VWA5A: variants seen among roughly 807,000 people sequenced by gnomAD.
The protein encoded by VWA5A is von Willebrand factor A domain containing 5A, also known as von Willebrand factor A domain-containing protein 5A.
Under a neutral mutation model 84.6 loss-of-function variants are expected in VWA5A, and 77 were observed. The observed-to-expected ratio is 0.91, with a 90% CI of 0.76 to 1.10. VWA5A has a LOEUF of 1.10. Ranked by LOEUF, VWA5A falls within the 50% of genes least tolerant of loss-of-function variation. The probability of loss-of-function intolerance (pLI) is 0.00; values close to 1 mark genes in which losing one functional copy is unlikely to be tolerated. For missense variants in VWA5A, 973 were observed against 963.0 expected, an observed-to-expected ratio of 1.01 and a Z score of -0.14; for synonymous variants, 334 against 350.1, an observed-to-expected ratio of 0.95 and a Z score of 0.51.
At position 124,119,540 on chromosome 11, in the gene VWA5A, A is replaced by C. The variant is rs115600162; in HGVS notation, c.760+451A>C. 1.4e-3 allele frequency among the ~76,000 whole-genome samples: 210 copies of C among 152,374 alleles called. 1 individual carries two copies. The highest frequency in any genetic ancestry group is 4.7e-3 in the African/African-American group (196 of 41,594). The stretch of plus-strand genomic sequence containing the variant: ...AAATTTGGCCATATGTGTTAAATCA[A>C]TGTTAACTTTGGTAATTTCACTTTT... On this transcript the variant is annotated intron_variant, in intron 7 of 18. Transcript: ENST00000456829.
intron 2 of VWA5A, 200 bp from the exon 3 acceptor site, chr11:124,117,297 C>G (rs983377550): frequency 1.6e-6 from 1 of 610,292 alleles, no homozygotes; most frequent in Admixed American, 2.8e-5. Context: ...GAATCTTACA[C>G]CTTCCCCACC....
Position 124,123,052 on chromosome 11 carries a change from C to T in VWA5A, c.853C>T (p.Leu285Phe). 1 of 1,614,144 alleles carries T rather than the reference C, an allele frequency of 6.2e-7. No homozygotes were observed. Among genetic ancestry groups the T allele is most frequent in the Non-Finnish European group, 8.5e-7 (1 of 1,180,046 alleles). The change falls in exon 8 of 19, where the codon CTC becomes TTC. Residue 285 changes from leucine to phenylalanine, a missense_variant. Coordinates refer to ENST00000456829, the MANE Select transcript of VWA5A (RefSeq NM_001130142.2). ...AAATACCTGTGGAGAGTTTATCTTT[C>T]TCATGGACCGCTCGGGAAGTATGCA... ...PSNTCGEFIF[L>F]MDRSGSMQSP... is the part of the protein sequence containing the mutation.
chr11:124,116,106 C>T (rs563349362), intron 1 of VWA5A: 1 of 152,466 alleles, frequency 6.6e-6, no homozygotes, highest in South Asian at 2.1e-4. Flanking sequence ...CCCTCCCACC[C>T]TCCTAGCTGC....
intron 15 of VWA5A, 115 bp from the exon 16 acceptor site, chr11:124,141,483 A>AG: frequency 7.5e-7 from 1 of 1,329,388 alleles, no homozygotes; most frequent in Non-Finnish European, 1.0e-6. Flanking sequence ...TAGCACAGTA[A>AG]GGGTGGTGAC....
At chr11:124,139,561 T>G (rs1860686295) in intron 15 of VWA5A, among the ~76,000 whole-genome samples, 1 of 152,138 alleles carries the variant, frequency 6.6e-6, no homozygotes. Context: ...CCATTGCAAA[T>G]GAGATTGTTT....
At chr11:124,124,568 G>T in intron 11 of VWA5A, 1 of 1,206,162 alleles carries the variant, frequency 8.3e-7, no homozygotes, top group Non-Finnish European at 1.0e-6. Flanking sequence ...ATAGTAAGAT[G>T]TTAATTTTTT....
chr11:124,123,915 T>A, intron 10 of VWA5A, 111 bp downstream of exon 10: 16 of 1,379,980 alleles, frequency 1.2e-5, no homozygotes, highest in Non-Finnish European at 1.4e-5. Flanking sequence ...ATTCACAGTC[T>A]TCTATCATAT....
chr11:124,136,076 A>G (rs1475532684), intron 12 of VWA5A, 53 bp from the exon 13 acceptor site: 13 of 1,576,950 alleles, frequency 8.2e-6, no homozygotes, highest in Non-Finnish European at 1.1e-5. Flanking sequence ...AGTTAATTGT[A>G]GCTGCCATTG....
At chr11:124,118,859 C>A in intron 6 of VWA5A, 116 bp from the exon 7 acceptor site, 2 of 1,340,912 alleles carry the variant, frequency 1.5e-6, no homozygotes, top group Non-Finnish European at 2.1e-6. Context: ...TTCTCTCCAG[C>A]CTCACCTCTG....
chr11:124,133,371 A>C (rs897868873), intron 11 of VWA5A, among the ~76,000 whole-genome samples: 1 of 152,202 alleles, frequency 6.6e-6, no homozygotes, highest in African/African-American at 2.4e-5. Context: ...CTTAGGTTTT[A>C]AGTCATCTGC....
Position 124,119,009 on chromosome 11 carries a change from A to G in VWA5A, c.680A>G (p.Asp227Gly). 1 of 1,614,140 alleles carries G rather than the reference A, an allele frequency of 6.2e-7. No individual in the cohort carries two copies. The highest frequency in any genetic ancestry group is 8.5e-7 in the Non-Finnish European group (1 of 1,180,032). Residue 227 changes from aspartate to glycine, a missense_variant, in exon 7 of 19, where the codon GAC becomes GGC. Coordinates refer to ENST00000456829, the MANE Select transcript of VWA5A (RefSeq NM_001130142.2). ...SLAAGHKFDR[D>G]VELLIYYNEV... ...GCTGCTGGACACAAGTTTGATCGGG[A>G]CGTGGAACTCCTGATTTACTACAAT...
At chr11:124,136,335 C>T in intron 13 of VWA5A, 42 bp downstream of exon 13, 1 of 1,590,390 alleles carries the variant, frequency 6.3e-7, no homozygotes, top group Non-Finnish European at 8.6e-7. Context: ...CAAAGAGCTA[C>T]CACATGACCA....
intron 7 of VWA5A, among the ~76,000 whole-genome samples, chr11:124,120,425 C>T (rs964998258): frequency 1.3e-5 from 2 of 152,150 alleles, no homozygotes; most frequent in Non-Finnish European, 2.9e-5. Context: ...CAAAGTGGGA[C>T]GGCTTGGCTT....
At chr11:124,115,567 C>G (rs192334223) in intron 1 of VWA5A, 85 bp downstream of exon 1, 1 of 152,320 alleles carries the variant, frequency 6.6e-6, no homozygotes, top group Admixed American at 6.5e-5. Flanking sequence ...CTCCCTTTCC[C>G]CAGTCCCCAA....
At chr11:124,142,668 A>G in intron 17 of VWA5A, 96 bp downstream of exon 17, 1 of 1,475,280 alleles carries the variant, frequency 6.8e-7, no homozygotes, top group East Asian at 2.3e-5. Flanking sequence ...GAAGGAAAAT[A>G]TAGGGGGTCA....
rs924752393 is a variant in VWA5A, at chr11:124,145,220, C to T, written c.2155-17C>T. 8 of 1,604,896 alleles carry T rather than the reference C, an allele frequency of 5.0e-6. No homozygotes were observed. Among genetic ancestry groups the T allele is most frequent in the Non-Finnish European group, 6.8e-6 (8 of 1,175,734 alleles). On this transcript the variant is annotated splice_polypyrimidine_tract_variant and intron_variant, in intron 17 of 18. Transcript: ENST00000456829. Reference sequence around the variant, plus strand: ...GGGACTTCCTGTGCCAACTGGAGCTCTCTATCTACTGTGCAGCTTGTGGAT... The same window carrying T: ...GGGACTTCCTGTGCCAACTGGAGCTTTCTATCTACTGTGCAGCTTGTGGAT...
chr11:124,116,749 C>A (rs773124070), intron 2 of VWA5A, 69 bp downstream of exon 2: 13 of 152,074 alleles, frequency 8.5e-5, no homozygotes, highest in Non-Finnish European at 1.5e-4. Flanking sequence ...GAATGAAAAG[C>A]CTGATTTATT....
Position 124,135,023 on chromosome 11 carries a change from A to G in VWA5A, c.1348A>G (p.Met450Val). 6.2e-7 allele frequency: 1 copy of G among 1,613,484 alleles called. No individual in the cohort carries two copies. Among genetic ancestry groups the G allele is most frequent in the Non-Finnish European group, 8.5e-7 (1 of 1,179,702 alleles). Residue 450 changes from methionine (M) to valine (V), a missense_variant, in exon 12 of 19, where the codon ATG becomes GTG. Physicochemically the swap from Met to Val is conservative, Grantham distance 21. Transcript: ENST00000456829. ...TSEFITGKDR[M>V]QSKALRTLKR... ...AGAATTTATCACAGGCAAAGACAGGATGCAGTCCAAGGTGAGGGACAGACT... is the reference window on the plus strand; with the variant it reads ...AGAATTTATCACAGGCAAAGACAGGGTGCAGTCCAAGGTGAGGGACAGACT...
chr11:124,136,826 C>G, intron 14 of VWA5A, 152 bp downstream of exon 14: 4 of 976,644 alleles, frequency 4.1e-6, no homozygotes, highest in Non-Finnish European at 5.7e-6. Flanking sequence ...TAGATTTCTT[C>G]TCTTAATTCT....
Sources: allele counts gnomAD v4.1 joint callset (sites outside exome capture counted in the v4.1 genomes callset), GRCh38; gene constraint gnomAD v4.1.1; transcripts MANE v1.5; gene names NCBI Gene and HGNC (gene_info 2026-07-23, HGNC 2026-07-21).